The following ZNF606 variants were observed in gnomAD, a reference collection of about 807,000 sequenced individuals.
ZNF606 encodes zinc finger protein 328.
ZNF606 carries 37 observed loss-of-function variants against 74.9 expected under a neutral mutation model. The ratio of observed to expected loss-of-function variants is 0.49; its 90% CI spans 0.38 to 0.65. The LOEUF is 0.65. Among genes scored for constraint, ZNF606 ranks in the 30% least tolerant of loss-of-function variants. The probability of loss-of-function intolerance (pLI) is 0.00; values close to 1 mark genes in which losing one functional copy is unlikely to be tolerated. For missense variants in ZNF606, 852 were observed against 952.9 expected, an observed-to-expected ratio of 0.89 and a Z score of 1.39; for synonymous variants, 328 against 312.4, an observed-to-expected ratio of 1.05 and a Z score of -0.53.
At chr19:57,989,599 AC>A (rs1253850353) in intron 4 of ZNF606, among the ~76,000 whole-genome samples, 4 of 151,376 alleles carry the variant, frequency 2.6e-5, no homozygotes, top group Non-Finnish European at 5.9e-5. Flanking sequence ...GGCGTGCACC[AC>A]CCCGCCTGGC....
At chr19:57,999,744 T>C (rs748608365) in intron 4 of ZNF606, 64 bp downstream of exon 4, 3 of 1,514,764 alleles carry the variant, frequency 2.0e-6, no homozygotes, top group Non-Finnish European at 2.7e-6. Context: ...GAGAGCCGCA[T>C]CAACTGGGAT....
Position 57,979,330 on chromosome 19 carries a change from G to A in ZNF606, c.1350C>T (p.His450=). The part of the protein sequence containing the change: ...RSALTKHERT[H]TGIKPYECNK... Reference sequence around the variant, plus strand: ...TACATTCATAGGGTTTTATTCCAGTGTGAGTCCGTTCATGTTTCGTAAGGG... The same window carrying A: ...TACATTCATAGGGTTTTATTCCAGTATGAGTCCGTTCATGTTTCGTAAGGG... Residue 450 remains histidine (H), a synonymous_variant, in exon 7 of 7, where the codon CAC becomes CAT. Coordinates refer to ENST00000551380, the MANE Select transcript of ZNF606 (RefSeq NM_001348022.3). The A allele has an allele frequency of 6.2e-7, 1 of 1,613,434 alleles. No individual in the cohort carries two copies. The highest frequency in any genetic ancestry group is 1.7e-5 in the Admixed American group (1 of 59,936).
chr19:58,002,180 G>A (rs16988362), intron 1 of ZNF606: 4,836 of 456,776 alleles, frequency 0.011, 199 homozygotes, highest in African/African-American at 0.087. Context: ...ATGTTTAAGG[G>A]AACCCGGAGC....
At chr19:58,000,015 TC>T (rs2073394596) in intron 3 of ZNF606, 119 bp from the exon 4 acceptor site, 8 of 794,904 alleles carry the variant, frequency 1.0e-5, no homozygotes, top group Non-Finnish European at 1.6e-5. Context: ...GAGACCCACT[TC>T]CTCATTCTAT....
chr19:57,999,789 C>T lies in ZNF606; in HGVS notation c.177+19G>A, dbSNP rs777175213. The T allele has an allele frequency of 6.2e-7, 1 of 1,612,412 alleles. No homozygotes were observed. Among genetic ancestry groups the T allele is most frequent in the African/African-American group, 1.3e-5 (1 of 75,042 alleles). The stretch of plus-strand genomic sequence containing the variant: ...TAACCTGGACATCATCCTCTGGGAA[C>T]AGGACAGCCCCATCTCACCTGAACC... On this transcript the variant is annotated intron_variant, in intron 4 of 6. Coordinates refer to ENST00000551380, the MANE Select transcript of ZNF606 (RefSeq NM_001348022.3).
upstream of ZNF606, chr19:58,003,196 G>A: frequency 2.2e-6 from 1 of 456,422 alleles, no homozygotes; most frequent in Non-Finnish European, 4.4e-6. Flanking sequence ...AGTGACTGCT[G>A]TTATTCTCTT....
intron 4 of ZNF606, among the ~76,000 whole-genome samples, chr19:57,996,423 C>T (rs1348709204): frequency 7.9e-5 from 12 of 152,186 alleles, no homozygotes; most frequent in Admixed American, 6.5e-4. Flanking sequence ...ATCCCTTGAA[C>T]CCGGGAGGGG....
chr19:58,000,224 T>C (rs1239195614), intron 3 of ZNF606: 3 of 397,760 alleles, frequency 7.5e-6, no homozygotes, highest in Non-Finnish European at 1.3e-5. Flanking sequence ...TGCTCACTGG[T>C]TTTCTTTTTT....
At chr19:58,000,547 G>A in intron 3 of ZNF606, 136 bp downstream of exon 3, 1 of 961,674 alleles carries the variant, frequency 1.0e-6, no homozygotes, top group Non-Finnish European at 1.6e-6. Flanking sequence ...CCTTGTTCCA[G>A]CTCTGCACAG....
chr19:57,983,470 C>T (rs563546759), intron 6 of ZNF606, among the ~76,000 whole-genome samples: 13 of 151,492 alleles, frequency 8.6e-5, no homozygotes, highest in African/African-American at 1.5e-4. Context: ...GCCAGCTACT[C>T]GGGAGGCTGA....
intron 4 of ZNF606, among the ~76,000 whole-genome samples, chr19:57,995,919 G>A (rs1050673272): frequency 6.6e-6 from 1 of 152,214 alleles, no homozygotes; most frequent in African/African-American, 2.4e-5. Flanking sequence ...GTGGTTGCCT[G>A]AGAAATGGTG....
chr19:57,998,368 A>G (rs1257441629), intron 4 of ZNF606: 2 of 152,194 alleles, frequency 1.3e-5, no homozygotes, highest in Non-Finnish European at 2.9e-5. Flanking sequence ...TTACATTGTA[A>G]TTACATTACA....
chr19:57,999,973 C>A, intron 3 of ZNF606, 77 bp from the exon 4 acceptor site: 1 of 1,298,726 alleles, frequency 7.7e-7, no homozygotes, highest in South Asian at 1.3e-5. Context: ...GGCTGAGAAC[C>A]AGCCCCTGCC....
rs147942568 is a variant in ZNF606 at position 57,978,701 on chromosome 19, G to A, written c.1979C>T (p.Ser660Phe). The change falls in exon 7 of 7, where the codon TCC (serine) becomes TTC (phenylalanine). Residue 660 changes from serine (S) to phenylalanine (F), a missense_variant. This residue lies in a region of ZNF606 where 243 missense variants were observed against 359.2 expected (regional missense o/e 0.68). Coordinates refer to ENST00000551380, the MANE Select transcript of ZNF606 (RefSeq NM_001348022.3). The surrounding 1 kb of genome is among the most constrained non-coding windows in gnomAD (Gnocchi z 4.4). ...KPYECNKCGK[S>F]FSQSCHLVAH... ...AACAAGGTGACAGCTCTGACTGAAG[G>A]ATTTTCCACATTTATTGCATTCATA... 3.7e-6 allele frequency: 6 copies of A among 1,614,044 alleles called. No homozygotes were observed. Among genetic ancestry groups the A allele is most frequent in the Non-Finnish European group, 5.1e-6 (6 of 1,180,036 alleles).
chr19:58,001,001 G>C (rs1359997207), intron 2 of ZNF606, among the ~76,000 whole-genome samples: 1 of 152,182 alleles, frequency 6.6e-6, no homozygotes, highest in Non-Finnish European at 1.5e-5. Flanking sequence ...GAGAGCAGTA[G>C]AGACAATATT....
Position 57,979,388 on chromosome 19 carries a change from T to A in ZNF606, c.1292A>T (p.Asp431Val), listed in dbSNP as rs751903534. ...THTGEKPYEC[D>V]KCGKVFRNRS... ...ATTCCTAAAAACTTTTCCACATTTATCACATTCATAGGGTTTTTCTCCAGT... is the reference window on the plus strand; with the variant it reads ...ATTCCTAAAAACTTTTCCACATTTAACACATTCATAGGGTTTTTCTCCAGT... Residue 431 changes from aspartate (D) to valine (V), a missense_variant, in exon 7 of 7, where the codon GAT becomes GTT. Transcript: ENST00000551380. 10 of 1,613,396 alleles carry A rather than the reference T, an allele frequency of 6.2e-6. No homozygotes were observed. The highest frequency in any genetic ancestry group is 8.5e-6 in the Non-Finnish European group (10 of 1,179,742).
chr19:57,999,768 C>T (rs1286824252), intron 4 of ZNF606, 40 bp downstream of exon 4: 3 of 1,593,862 alleles, frequency 1.9e-6, no homozygotes, highest in Admixed American at 1.7e-5. Flanking sequence ...CAGGGATAAC[C>T]TGGACATCAT....
rs182994172 is a variant in ZNF606, at chr19:57,988,695, G to C, written c.204C>G (p.Ala68=). 1 of 1,614,068 alleles carries C rather than the reference G, an allele frequency of 6.2e-7. No individual in the cohort carries two copies. The highest frequency in any genetic ancestry group is 1.7e-5 in the Admixed American group (1 of 60,004). Residue 68 remains alanine (A), a synonymous_variant, in exon 5 of 7, where the codon GCC becomes GCG. Transcript: ENST00000551380. ...CCCACTCTTCTTGGGTGAAGTCCAC[G>C]GCCACGTCCTTGAAGGTCACTGGTT... The part of the protein sequence containing the change: ...VQEPVTFKDV[A]VDFTQEEWGQ...
At chr19:57,994,114 T>C (rs73574805) in intron 4 of ZNF606, among the ~76,000 whole-genome samples, 3,664 of 152,116 alleles carry the variant, frequency 0.024, 143 homozygotes, top group African/African-American at 0.083. Context: ...ACCAGAGTGA[T>C]TTCAGTATAA....
Sources: allele counts gnomAD v4.1 joint callset (sites outside exome capture counted in the v4.1 genomes callset), GRCh38; gene constraint gnomAD v4.1.1; regional missense constraint gnomAD v4.1.1; non-coding constraint Gnocchi (gnomAD v3.1); transcripts MANE v1.5; gene names NCBI Gene and HGNC (gene_info 2026-07-23, HGNC 2026-07-21).